Variants in TNFRSF10A observed in about 807,000 individuals in gnomAD.
TNFRSF10A encodes tumor necrosis factor receptor superfamily member 10A.
A neutral mutation model predicts 42.8 loss-of-function variants in TNFRSF10A; 44 were observed. The ratio of observed to expected loss-of-function variants is 1.03; its 90% CI spans 0.81 to 1.32. The LOEUF (loss-of-function observed/expected upper bound fraction) is 1.32. Among genes scored for constraint, TNFRSF10A ranks in the 40% most tolerant of loss-of-function variants. The probability of loss-of-function intolerance (pLI) is 0.00; values close to 1 mark genes in which losing one functional copy is unlikely to be tolerated. For synonymous variants in TNFRSF10A, 259 were observed against 234.2 expected, an observed-to-expected ratio of 1.11 and a Z score of -0.97; for missense variants, 680 against 602.0, an observed-to-expected ratio of 1.13 and a Z score of -1.36.
chr8:23,224,669 G>C (rs544066003), intron 1 of TNFRSF10A, 87 bp downstream of exon 1: 2 of 1,459,934 alleles, frequency 1.4e-6, no homozygotes, highest in Non-Finnish European at 1.8e-6. Context: ...ACCCGGGCCA[G>C]GCACCCCCGC....
At chr8:23,192,710 G>A (rs1800773397) in intron 9 of TNFRSF10A, among the ~76,000 whole-genome samples, 1 of 152,190 alleles carries the variant, frequency 6.6e-6, no homozygotes, top group East Asian at 1.9e-4. Flanking sequence ...TTTAATGTGT[G>A]GTACTGAATA....
intron 9 of TNFRSF10A, among the ~76,000 whole-genome samples, chr8:23,193,907 T>C (rs923824689): frequency 3.3e-5 from 5 of 152,202 alleles, no homozygotes; most frequent in Non-Finnish European, 7.4e-5. Context: ...GAAAGTAGGA[T>C]GGAGTTCCTG....
chr8:23,224,522 C>G (rs932733513), intron 1 of TNFRSF10A: 2 of 558,382 alleles, frequency 3.6e-6, no homozygotes, highest in South Asian at 4.2e-5. Context: ...GGGGTGGAGT[C>G]CCCGGGCCCA....
chr8:23,200,171 A>G (rs981702287), intron 6 of TNFRSF10A, among the ~76,000 whole-genome samples: 3 of 152,240 alleles, frequency 2.0e-5, no homozygotes, highest in African/African-American at 7.2e-5. Context: ...ACAAAGCTAC[A>G]TAAATCCCAC....
At chr8:23,203,808 C>T (rs1211237887) in intron 2 of TNFRSF10A, among the ~76,000 whole-genome samples, 3 of 142,614 alleles carry the variant, frequency 2.1e-5, no homozygotes, top group Admixed American at 7.1e-5. Flanking sequence ...GATGGAGTCT[C>T]GCTCTCTCAC....
intron 1 of TNFRSF10A, among the ~76,000 whole-genome samples, chr8:23,216,824 T>G (rs918731510): frequency 6.6e-6 from 1 of 152,244 alleles, no homozygotes; most frequent in Non-Finnish European, 1.5e-5. Context: ...TTGCTTAATA[T>G]TCACATTTTT....
chr8:23,203,835 G>A (rs1800969891), intron 2 of TNFRSF10A, among the ~76,000 whole-genome samples: 1 of 148,480 alleles, frequency 6.7e-6, no homozygotes, highest in African/African-American at 2.5e-5. Context: ...GGAGTTCAGT[G>A]GCGTGATCTT....
chr8:23,200,767 A>AC lies in TNFRSF10A; in HGVS notation c.630-8dup. Reference sequence around the variant, plus strand: ...GACCATCCCTCTGGGGCACCTGGGTACACACAGGGAGGGAGGGGGGGGACT... The same window carrying AC: ...GACCATCCCTCTGGGGCACCTGGGTACCACACAGGGAGGGAGGGGGGGGACT... On this transcript the variant is annotated splice_polypyrimidine_tract_variant and splice_region_variant and intron_variant, in intron 4 of 9. Transcript: ENST00000221132. 6.6e-7 allele frequency: 1 copy of AC among 1,513,034 alleles called. No homozygotes were observed. Among genetic ancestry groups the AC allele is most frequent in the Non-Finnish European group, 9.1e-7 (1 of 1,103,826 alleles). The allele number at this position is 1,513,034 out of a possible 1,614,324, so 93.7% of individuals were successfully genotyped here. A position where few individuals can be genotyped will look rare whatever the true frequency, so the allele number is the denominator to read the frequency against.
chr8:23,201,660 G>T, intron 4 of TNFRSF10A, 148 bp downstream of exon 4: 1 of 694,168 alleles, frequency 1.4e-6, no homozygotes, highest in Non-Finnish European at 2.4e-6. Flanking sequence ...CTCAGGAGAC[G>T]CCACAGGCTC....
intron 2 of TNFRSF10A, chr8:23,207,468 T>G: frequency 2.4e-6 from 1 of 408,344 alleles, no homozygotes. Context: ...ATACCAACCA[T>G]TTCAAGAAGA....
At chr8:23,221,596 A>G (rs1195349114) in intron 1 of TNFRSF10A, among the ~76,000 whole-genome samples, 1 of 152,178 alleles carries the variant, frequency 6.6e-6, no homozygotes, top group African/African-American at 2.4e-5. Context: ...CATTATCTCC[A>G]TTCACAGGCA....
chr8:23,199,815 T>C (rs1446480474), intron 7 of TNFRSF10A, 71 bp downstream of exon 7: 39 of 1,606,272 alleles, frequency 2.4e-5, no homozygotes, highest in African/African-American at 4.0e-5. Context: ...CCCACCCACC[T>C]GGACTACACT....
At position 23,214,497 on chromosome 8, in the gene TNFRSF10A, A is replaced by C. The variant is rs948282784; in HGVS notation, c.307-2285T>G. Reference sequence around the variant, plus strand: ...AGCCAGACTGTCTCAAAAAAAAAAAACAGCAAAAAAGTGTTGTTTAATTTT... The same window carrying C: ...AGCCAGACTGTCTCAAAAAAAAAAACCAGCAAAAAAGTGTTGTTTAATTTT... On this transcript the variant is annotated intron_variant, in intron 1 of 9. Transcript: ENST00000221132. 9.9e-5 allele frequency among the ~76,000 whole-genome samples: 15 copies of C among 151,898 alleles called. No homozygotes were observed. The South Asian group carries it at 2.3e-3, about 23-fold the overall frequency.
chr8:23,212,800 A>G (rs965573055), intron 1 of TNFRSF10A, among the ~76,000 whole-genome samples: 2 of 152,248 alleles, frequency 1.3e-5, no homozygotes, highest in African/African-American at 4.8e-5. Context: ...ATGAAAAGCC[A>G]ACAGCTACCA....
Position 23,191,572 on chromosome 8 carries a change from T to A in TNFRSF10A, c.*122A>T. On this transcript the variant is annotated 3_prime_UTR_variant, in exon 10 of 10. Transcript: ENST00000221132. ...GCCTCAGCCTCCCAAAGTGCTGGGA[T>A]TACAGGCATGAGCCACTACACCTGG... 1 of 1,383,458 alleles carries A rather than the reference T, an allele frequency of 7.2e-7. No homozygotes were observed. The allele number at this position is 1,383,458 out of a possible 1,614,324, so 85.7% of individuals were successfully genotyped here. A position where few individuals can be genotyped will look rare whatever the true frequency, so the allele number is the denominator to read the frequency against.
At chr8:23,192,111 C>A (rs914576449) in intron 9 of TNFRSF10A, 98 bp from the exon 10 acceptor site, 23 of 1,501,426 alleles carry the variant, frequency 1.5e-5, no homozygotes, top group Non-Finnish European at 1.9e-5. Flanking sequence ...AGGAGAGAAC[C>A]TGGAGAGCCC....
At chr8:23,194,980 A>G (rs928778801) in intron 9 of TNFRSF10A, among the ~76,000 whole-genome samples, 5 of 152,112 alleles carry the variant, frequency 3.3e-5, no homozygotes, top group African/African-American at 1.2e-4. Flanking sequence ...CCAACGTGGC[A>G]AAACCCTGTC....
intron 9 of TNFRSF10A, among the ~76,000 whole-genome samples, chr8:23,195,763 G>T (rs529341280): frequency 7.2e-5 from 11 of 152,246 alleles, no homozygotes; most frequent in Admixed American, 7.2e-4. Context: ...TGTTTCAGAA[G>T]AAACACAATC....
chr8:23,207,074 G>C, intron 2 of TNFRSF10A: 1 of 507,488 alleles, frequency 2.0e-6, no homozygotes, highest in Non-Finnish European at 3.7e-6. Context: ...AAGATACTGA[G>C]ACTCTGGAGA....
Sources: gnomAD v4.1 joint callset for allele counts (sites outside exome capture counted in the v4.1 genomes callset) on GRCh38, gnomAD v4.1.1 for gene constraint, MANE v1.5 for transcripts, NCBI Gene and HGNC (gene_info 2026-07-23, HGNC 2026-07-21) for gene names.